The following TFAP2E variants were observed in gnomAD, a reference collection of about 807,000 sequenced individuals.
TFAP2E encodes the protein transcription factor AP-2-epsilon.
A neutral mutation model predicts 37.9 loss-of-function variants in TFAP2E; 30 were observed. That is an observed-to-expected ratio of 0.79 (90% CI 0.59 to 1.07). TFAP2E has a LOEUF of 1.07. Ranked by LOEUF, TFAP2E falls within the 50% of genes least tolerant of loss-of-function variation. TFAP2E has a pLI of 0.00. For missense variants in TFAP2E, 567 were observed against 637.9 expected, an observed-to-expected ratio of 0.89 and a Z score of 1.20; for synonymous variants, 318 against 295.8, an observed-to-expected ratio of 1.08 and a Z score of -0.77.
At chr1:35,589,371 G>A (rs1190267016) in intron 4 of TFAP2E, among the ~76,000 whole-genome samples, 1 of 151,924 alleles carries the variant, frequency 6.6e-6, no homozygotes, top group Admixed American at 6.6e-5. Flanking sequence ...GTCCCTGAGT[G>A]TCTGTACATG....
intron 3 of TFAP2E, among the ~76,000 whole-genome samples, chr1:35,585,227 T>G (rs2148550444): frequency 6.6e-6 from 1 of 152,342 alleles, no homozygotes; most frequent in South Asian, 2.1e-4. Context: ...TTGTTCCATT[T>G]GGCCTGTGCT....
At chr1:35,589,504 G>C (rs975378200) in intron 4 of TFAP2E, among the ~76,000 whole-genome samples, 1 of 152,006 alleles carries the variant, frequency 6.6e-6, no homozygotes, top group Non-Finnish European at 1.5e-5. Flanking sequence ...GTGTGTGTGT[G>C]TGTGTGTGTG....
rs1485246198 is a variant in TFAP2E at position 35,577,091 on chromosome 1, G to A, written c.562+2091G>A. 6.6e-6 allele frequency among the ~76,000 whole-genome samples: 1 copy of A among 152,232 alleles called. No individual in the cohort carries two copies. Among genetic ancestry groups the A allele is most frequent in the Non-Finnish European group, 1.5e-5 (1 of 68,038 alleles). On this transcript the variant is annotated intron_variant, in intron 3 of 6. Transcript: ENST00000373235. This position sits in a 1 kb window ranked among gnomAD's most constrained non-coding sequence, Gnocchi z 6.3. ...GGAGCGAGTGGAGCGCTGGCGACCT[G>A]AGCGGAGACTGCGCCCTGGACGCCC...
Position 35,577,374 on chromosome 1 carries a change from G to T in TFAP2E, c.562+2374G>T, listed in dbSNP as rs540424927. The T allele has an allele frequency of 7.4e-5, 34 of 456,828 alleles. No homozygotes were observed. Among genetic ancestry groups the T allele is most frequent in the South Asian group, 5.0e-4 (32 of 64,574 alleles). The allele number at this position is 456,828 out of a possible 1,614,324, so 28.3% of individuals were successfully genotyped here. A position where few individuals can be genotyped will look rare whatever the true frequency, so the allele number is the denominator to read the frequency against. On this transcript the variant is annotated intron_variant, in intron 3 of 6. Transcript: ENST00000373235. This position sits in a 1 kb window ranked among gnomAD's most constrained non-coding sequence, Gnocchi z 6.3. ...TCGGCGTTGCCGCCAGCCCAGTGGG[G>T]AGTGAATTAGCGCCCTCCTTCGTCC...
downstream of TFAP2E, chr1:35,595,469 A>C (rs1649803657): frequency 6.6e-6 from 1 of 152,178 alleles, no homozygotes; most frequent in African/African-American, 2.4e-5. Context: ...GGAGGGAAGA[A>C]AGGTGTGTCA....
intron 3 of TFAP2E, among the ~76,000 whole-genome samples, chr1:35,583,283 C>T (rs1157369706): frequency 1.3e-5 from 2 of 151,952 alleles, no homozygotes; most frequent in African/African-American, 4.8e-5. Flanking sequence ...GATTTTTCTC[C>T]TAAGTTTTCT....
chr1:35,574,671 C>A, intron 2 of TFAP2E: 1 of 662,054 alleles, frequency 1.5e-6, no homozygotes. Flanking sequence ...CCCGCTGCCA[C>A]GTGTGGCATC....
At chr1:35,578,633 A>T (rs1161020542) in intron 3 of TFAP2E, among the ~76,000 whole-genome samples, 1 of 152,090 alleles carries the variant, frequency 6.6e-6, no homozygotes, top group Non-Finnish European at 1.5e-5. Flanking sequence ...GAGCTGATGT[A>T]AACAGTCGCC....
At chr1:35,589,558 G>A (rs1333122819) in intron 4 of TFAP2E, among the ~76,000 whole-genome samples, 2 of 151,982 alleles carry the variant, frequency 1.3e-5, no homozygotes, top group African/African-American at 4.8e-5. Flanking sequence ...GTCTCCCCAT[G>A]TGTCTCTCTT....
chr1:35,590,726 G>T lies in TFAP2E; in HGVS notation c.997G>T (p.Ala333Ser), dbSNP rs142726594. 1 of 1,545,100 alleles carries T rather than the reference G, an allele frequency of 6.5e-7. No homozygotes were observed. Among genetic ancestry groups the T allele is most frequent in the Admixed American group, 1.8e-5 (1 of 55,308 alleles). ...TGCCGAGTACCTGTGCCGACAGCAC[G>T]CTGACCCGGGGGAGCTGCACAGCCG... is the stretch of plus-strand genomic sequence containing the variant. ...AAAEYLCRQH[A>S]DPGELHSRKS... is the part of the protein sequence containing the mutation. Residue 333 changes from alanine (A) to serine (S), a missense_variant, in exon 6 of 7, where the codon GCT becomes TCT. Around this residue, in one of 3 missense-constraint regions of TFAP2E, gnomAD observed 252 missense variants for 302.6 expected, o/e 0.83. Coordinates refer to ENST00000373235, the MANE Select transcript of TFAP2E (RefSeq NM_178548.4). The surrounding 1 kb of genome is among the most constrained non-coding windows in gnomAD (Gnocchi z 6.2).
intron 3 of TFAP2E, among the ~76,000 whole-genome samples, chr1:35,579,155 G>A (rs1472918659): frequency 1.3e-5 from 2 of 149,210 alleles, no homozygotes; most frequent in African/African-American, 2.5e-5. Context: ...CAGCACTTTG[G>A]GAGGCCGAGG....
rs968579286 is a variant in TFAP2E, at chr1:35,594,940, A to G, written c.*264A>G. ...TTTGATGGTTGAGAAGGGTTTGGAC[A>G]GAAAATTGACATGAAAAGATCTGGC... On this transcript the variant is annotated 3_prime_UTR_variant, in exon 7 of 7. Transcript: ENST00000373235. 2.1e-5 allele frequency: 11 copies of G among 525,450 alleles called. No homozygotes were observed. Among genetic ancestry groups the G allele is most frequent in the Non-Finnish European group, 3.4e-5 (10 of 298,470 alleles). 32.5% of individuals were successfully genotyped at this position (525,450 alleles called of 1,614,324 possible). A position where few individuals can be genotyped will look rare whatever the true frequency, so the allele number is the denominator to read the frequency against.
intron 3 of TFAP2E, among the ~76,000 whole-genome samples, chr1:35,579,421 C>T (rs1334273672): frequency 6.6e-6 from 1 of 151,466 alleles, no homozygotes; most frequent in Non-Finnish European, 1.5e-5. Flanking sequence ...TCTTTTTTTT[C>T]GAGACACAGT....
chr1:35,594,389 ACC>A lies in TFAP2E; in HGVS notation c.1047-4_1047-3del. 1.2e-6 allele frequency: 2 copies of A among 1,611,328 alleles called. No homozygotes were observed. Among genetic ancestry groups the A allele is most frequent in the Non-Finnish European group, 1.7e-6 (2 of 1,179,414 alleles). On this transcript the variant is annotated splice_polypyrimidine_tract_variant and splice_region_variant and intron_variant, in intron 6 of 6. Coordinates refer to ENST00000373235, the MANE Select transcript of TFAP2E (RefSeq NM_178548.4). ...TCCAACCTCTGACCCTCCTTCTCGC[ACC>A]AGGCAGATCTGCAAGGAGTTTGCAG...
chr1:35,582,540 G>A (rs1481629695), intron 3 of TFAP2E, among the ~76,000 whole-genome samples: 2 of 138,812 alleles, frequency 1.4e-5, no homozygotes, highest in Non-Finnish European at 3.0e-5. Flanking sequence ...ACAGGGTCCC[G>A]CTATGTTGCC....
chr1:35,592,451 G>A (rs138179408), intron 6 of TFAP2E, among the ~76,000 whole-genome samples: 2,277 of 152,248 alleles, frequency 0.015, 62 homozygotes, highest in African/African-American at 0.051. Flanking sequence ...AGGCCGGAGT[G>A]CAGTGGTGCA....
Position 35,574,014 on chromosome 1 carries a change from T to A in TFAP2E, c.115T>A (p.Cys39Ser). ...QAAYGPAPPLCHTPAATAAAE... is the reference protein window; with the variant it reads ...QAAYGPAPPLSHTPAATAAAE... ...GGCCTACGGGCCGGCGCCCCCGCTC[T>A]GCCACACGCCGGCCGCCACAGCTGC... The change falls in exon 2 of 7, where the codon TGC becomes AGC. Residue 39 changes from cysteine (C) to serine (S), a missense_variant. Cys to Ser is a moderately radical substitution (Grantham distance 112). Coordinates refer to ENST00000373235, the MANE Select transcript of TFAP2E (RefSeq NM_178548.4). 6.7e-7 allele frequency: 1 copy of A among 1,486,808 alleles called. No homozygotes were observed. Among genetic ancestry groups the A allele is most frequent in the East Asian group, 2.9e-5 (1 of 34,818 alleles). 92.1% of individuals were successfully genotyped at this position (1,486,808 alleles called of 1,614,324 possible).
intron 3 of TFAP2E, among the ~76,000 whole-genome samples, chr1:35,587,412 G>T (rs113382816): frequency 6.6e-6 from 1 of 152,176 alleles, no homozygotes; most frequent in Non-Finnish European, 1.5e-5. Context: ...GGCCGAGGCG[G>T]GTGGATCATG....
rs1442433983 is a variant in TFAP2E, at chr1:35,588,537, G to A, written c.770G>A (p.Gly257Glu). The A allele has an allele frequency of 1.3e-6, 2 of 1,588,820 alleles. No individual in the cohort carries two copies. Among genetic ancestry groups the A allele is most frequent in the Middle Eastern group, 1.7e-4 (1 of 5,836 alleles). ...GAGTGCCTCAACGCCTCCCTCCTGG[G>A]GGGTGTCCTCCGCAGGTAGGAAGGC... ...PPECLNASLL[G>E]GVLRRAKSKN... The change falls in exon 4 of 7, where the codon GGG (glycine) becomes GAG (glutamate). Residue 257 changes from glycine to glutamate, a missense_variant. Gly to Glu is a moderately conservative substitution (Grantham distance 98). Transcript: ENST00000373235. The surrounding 1 kb of genome is among the most constrained non-coding windows in gnomAD (Gnocchi z 5.1).
Sources: allele counts gnomAD v4.1 joint callset (sites outside exome capture counted in the v4.1 genomes callset), GRCh38; gene constraint gnomAD v4.1.1; regional missense constraint gnomAD v4.1.1; non-coding constraint Gnocchi (gnomAD v3.1); transcripts MANE v1.5; gene names NCBI Gene and HGNC (gene_info 2026-07-23, HGNC 2026-07-21).